The following SPECC1 variants were observed in gnomAD, a reference collection of about 807,000 sequenced individuals.
The protein encoded by SPECC1 is cytospin-B.
A neutral mutation model predicts 104.1 loss-of-function variants in SPECC1; 62 were observed. That is an observed-to-expected ratio of 0.60 (90% CI 0.49 to 0.74). The LOEUF is 0.74. Ranked by LOEUF, SPECC1 falls within the 30% of genes least tolerant of loss-of-function variation. The pLI is 0.00. For missense variants in SPECC1, 1,306 were observed against 1,310.5 expected (o/e 1.00, Z 0.05); for synonymous variants, 513 against 501.6 (o/e 1.02, Z -0.30).
At chr17:20,277,066 A>G (rs1401370695) in intron 12 of SPECC1, among the ~76,000 whole-genome samples, 1 of 152,252 alleles carries the variant, frequency 6.6e-6, no homozygotes, top group African/African-American at 2.4e-5. Context: ...GGGCTCGGAT[A>G]GCAGCCTGCA....
chr17:20,082,027 A>G (rs73984573), intron 1 of SPECC1, among the ~76,000 whole-genome samples: 18,724 of 152,116 alleles, frequency 0.12, 1,155 homozygotes, highest in Non-Finnish European at 0.13. Context: ...GGCACCCTCA[A>G]AGCCTCAGCT....
intron 3 of SPECC1, among the ~76,000 whole-genome samples, chr17:20,161,042 C>G (rs976690967): frequency 3.3e-5 from 5 of 152,096 alleles, no homozygotes; most frequent in Non-Finnish European, 5.9e-5. Flanking sequence ...GAAACCCCGT[C>G]TCTACTAAAA....
At chr17:20,090,940 C>A (rs944168363) in intron 1 of SPECC1, among the ~76,000 whole-genome samples, 2 of 152,130 alleles carry the variant, frequency 1.3e-5, no homozygotes, top group Admixed American at 6.5e-5. Context: ...TATGGGTCTC[C>A]AGATTACACC....
chr17:20,301,236 A>G (rs1265634403), intron 13 of SPECC1, among the ~76,000 whole-genome samples: 1 of 152,152 alleles, frequency 6.6e-6, no homozygotes, highest in East Asian at 1.9e-4. Context: ...GAATCTTACT[A>G]GAGCAGAGAG....
intron 1 of SPECC1, among the ~76,000 whole-genome samples, chr17:20,023,437 A>G (rs2044473475): frequency 6.6e-6 from 1 of 152,186 alleles, no homozygotes; most frequent in Non-Finnish European, 1.5e-5. Context: ...TATTCAGCTT[A>G]ATGTCTGGGT....
chr17:20,074,033 G>A (rs1375862803), intron 1 of SPECC1, among the ~76,000 whole-genome samples: 1 of 152,182 alleles, frequency 6.6e-6, no homozygotes, highest in Non-Finnish European at 1.5e-5. Context: ...AGCCCTGTGG[G>A]TACTAATTAG....
At chr17:20,186,032 T>C (rs1012411978) in intron 3 of SPECC1, among the ~76,000 whole-genome samples, 3 of 152,138 alleles carry the variant, frequency 2.0e-5, no homozygotes, top group African/African-American at 7.2e-5. Context: ...GAGGCGGGGT[T>C]TCACCATGTT....
rs1247272609 is a variant in SPECC1 at position 20,112,293 on chromosome 17, A to G, written c.283+1731A>G. The G allele has an allele frequency of 6.6e-6, 5 of 760,278 alleles. No individual in the cohort carries two copies. The Admixed American group carries it at 8.6e-5, about 13-fold the overall frequency. The allele number at this position is 760,278 out of a possible 1,614,324, so 47.1% of individuals were successfully genotyped here. On this transcript the variant is annotated intron_variant, in intron 3 of 14. Transcript: ENST00000395527. ...GAACTACTTGTGTCATGGAGAGCTT[A>G]TTGTACATGATGGCATTAATTTATT...
At chr17:20,138,533 C>T (rs1257867671) in intron 3 of SPECC1, among the ~76,000 whole-genome samples, 1 of 152,180 alleles carries the variant, frequency 6.6e-6, no homozygotes, top group Non-Finnish European at 1.5e-5. Context: ...TTCATCCCTC[C>T]CTCATCCCTA....
chr17:20,038,475 C>T (rs1319109778), intron 1 of SPECC1, among the ~76,000 whole-genome samples: 2 of 147,182 alleles, frequency 1.4e-5, no homozygotes, highest in Non-Finnish European at 3.0e-5. Flanking sequence ...TCTTGGCTCA[C>T]TGCAACCTCT....
chr17:20,174,604 C>T (rs1011459910), intron 3 of SPECC1, among the ~76,000 whole-genome samples: 1 of 124,264 alleles, frequency 8.0e-6, no homozygotes, highest in African/African-American at 2.7e-5. Flanking sequence ...TCACATCAGT[C>T]TCTCCCCCCC....
At chr17:20,289,139 G>A (rs2041068321) in intron 12 of SPECC1, among the ~76,000 whole-genome samples, 1 of 152,122 alleles carries the variant, frequency 6.6e-6, no homozygotes, top group Non-Finnish European at 1.5e-5. Context: ...AGAAGCAAAA[G>A]TGGAAACCCC....
chr17:20,126,603 A>G (rs945671551), intron 3 of SPECC1: 1 of 152,200 alleles, frequency 6.6e-6, no homozygotes, highest in Non-Finnish European at 1.5e-5. Flanking sequence ...GTGTCTTCCA[A>G]GCAGACAGTC....
rs1225223253 is a variant in SPECC1 at position 20,237,313 on chromosome 17, TTG to T, written c.2351+4910_2351+4911del. ...TTGTTGTTGTTGTTGTTGTTTTGTT[TTG>T]TTTTTTTTTTTTTTTTGAGACAGAG... is the stretch of plus-strand genomic sequence containing the variant. On this transcript the variant is annotated intron_variant, in intron 7 of 14. Coordinates refer to ENST00000395527, the MANE Select transcript of SPECC1 (RefSeq NM_001243439.2). 177 of 1,040,284 alleles carry T rather than the reference TTG, an allele frequency of 1.7e-4. 1 individual carries two copies. The African/African-American group carries it at 2.0e-3, about 12-fold the overall frequency. The allele number at this position is 1,040,284 out of a possible 1,614,324, so 64.4% of individuals were successfully genotyped here. A position where few individuals can be genotyped will look rare whatever the true frequency, so the allele number is the denominator to read the frequency against.
At chr17:20,187,562 G>C (rs2035363529) in intron 3 of SPECC1, among the ~76,000 whole-genome samples, 1 of 152,208 alleles carries the variant, frequency 6.6e-6, no homozygotes, top group African/African-American at 2.4e-5. Flanking sequence ...AGGAGCAGAA[G>C]ATGGAGAGAA....
chr17:20,170,928 T>C (rs1263365249), intron 3 of SPECC1, among the ~76,000 whole-genome samples: 1 of 152,180 alleles, frequency 6.6e-6, no homozygotes. Context: ...AGAATTCATC[T>C]CTTTCTCTAA....
intron 12 of SPECC1, among the ~76,000 whole-genome samples, chr17:20,285,019 G>C (rs2040893434): frequency 1.3e-5 from 2 of 152,200 alleles, no homozygotes; most frequent in South Asian, 4.1e-4. Context: ...TACTGGGAAT[G>C]CAGCCACGGA....
chr17:20,129,818 A>G (rs1274983534), intron 3 of SPECC1, among the ~76,000 whole-genome samples: 3 of 152,072 alleles, frequency 2.0e-5, no homozygotes, highest in African/African-American at 7.2e-5. Context: ...CAATGGCACA[A>G]TCTTGGCTCA....
Position 20,123,453 on chromosome 17 carries a change from T to C in SPECC1, c.283+12891T>C, listed in dbSNP as rs548763662. ...CCTCGCTGATACCTGGACCCCTGCA[T>C]GCTCCCAGTTACCTGCATCACAACC... On this transcript the variant is annotated intron_variant, in intron 3 of 14. Transcript: ENST00000395527. Among the ~76,000 whole-genome samples the C allele has an allele frequency of 5.3e-5, 8 of 152,324 alleles. No individual in the cohort carries two copies. In the East Asian group the frequency reaches 1.5e-3, roughly 29 times the overall value.
Sources: allele counts gnomAD v4.1 joint callset (sites outside exome capture counted in the v4.1 genomes callset), GRCh38; gene constraint gnomAD v4.1.1; transcripts MANE v1.5; gene names NCBI Gene and HGNC (gene_info 2026-07-23, HGNC 2026-07-21).